The following SDK1 variants were observed in gnomAD, a reference collection of about 807,000 sequenced individuals.
SDK1 encodes the protein protein sidekick-1.
A neutral mutation model predicts 245.5 loss-of-function variants in SDK1; 157 were observed. That is an observed-to-expected ratio of 0.64 (90% CI 0.56 to 0.73). SDK1 has a LOEUF of 0.73. Among genes scored for constraint, SDK1 ranks in the 30% least tolerant of loss-of-function variants. The pLI, the probability that SDK1 is intolerant of heterozygous loss-of-function variation, is 0.00. For missense variants in SDK1, 3,583 were observed against 3,002.3 expected, an observed-to-expected ratio of 1.19 and a Z score of -4.52; for synonymous variants, 1,647 against 1,278.5, an observed-to-expected ratio of 1.29 and a Z score of -6.15.
chr7:3,573,115 A>G (rs543799862), intron 1 of SDK1, among the ~76,000 whole-genome samples: 2 of 152,178 alleles, frequency 1.3e-5, no homozygotes, highest in East Asian at 3.9e-4. Context: ...TCTGGGCTTT[A>G]TCCCAGAGCA....
chr7:3,992,486 A>G (rs1036108490), intron 14 of SDK1, among the ~76,000 whole-genome samples: 3 of 152,120 alleles, frequency 2.0e-5, no homozygotes, highest in Non-Finnish European at 2.9e-5. Context: ...CAGGTGGCGG[A>G]TGAGGGAAGC....
At chr7:4,111,458 A>T (rs114792598) in intron 23 of SDK1, among the ~76,000 whole-genome samples, 2,588 of 152,308 alleles carry the variant, frequency 0.017, 83 homozygotes, top group African/African-American at 0.059. Context: ...TTAGTAATTC[A>T]GGGACTAAAA....
At chr7:3,359,125 C>G (rs1379598989) in intron 1 of SDK1, among the ~76,000 whole-genome samples, 1 of 152,102 alleles carries the variant, frequency 6.6e-6, no homozygotes, top group Non-Finnish European at 1.5e-5. Context: ...TCACGCAGGT[C>G]AATTGGAGTC....
At chr7:3,498,970 A>G (rs1232054969) in intron 1 of SDK1, among the ~76,000 whole-genome samples, 1 of 152,138 alleles carries the variant, frequency 6.6e-6, no homozygotes, top group Non-Finnish European at 1.5e-5. Flanking sequence ...ACTAACTTTT[A>G]TTGGTTGATT....
chr7:4,024,159 G>T (rs1787149899), intron 17 of SDK1, among the ~76,000 whole-genome samples: 1 of 152,166 alleles, frequency 6.6e-6, no homozygotes, highest in African/African-American at 2.4e-5. Flanking sequence ...TAATGAAAGA[G>T]AAATATTTCA....
At chr7:3,609,480 A>G (rs922486317) in intron 1 of SDK1, among the ~76,000 whole-genome samples, 1 of 152,060 alleles carries the variant, frequency 6.6e-6, no homozygotes, top group African/African-American at 2.4e-5. Context: ...TGCTCACTGC[A>G]ATCTCTGCTT....
chr7:3,504,641 G>A (rs1782331225), intron 1 of SDK1, among the ~76,000 whole-genome samples: 1 of 152,120 alleles, frequency 6.6e-6, no homozygotes, highest in Non-Finnish European at 1.5e-5. Flanking sequence ...CTACCTCACA[G>A]CATATGCAGA....
At chr7:3,704,669 G>T (rs1409807824) in intron 4 of SDK1, among the ~76,000 whole-genome samples, 1 of 151,972 alleles carries the variant, frequency 6.6e-6, no homozygotes, top group Non-Finnish European at 1.5e-5. Context: ...TGTTTCTTTT[G>T]CTGTACAGAA....
rs576626626 is a variant in SDK1 at position 3,660,318 on chromosome 7, C to T, written c.713+18213C>T. Among the ~76,000 whole-genome samples the T allele has an allele frequency of 1.2e-3, 180 of 152,068 alleles. 1 individual carries two copies. Among genetic ancestry groups the T allele is most frequent in the African/African-American group, 4.3e-3 (177 of 41,466 alleles). On this transcript the variant is annotated intron_variant, in intron 4 of 44. Transcript: ENST00000404826. ...ATACCATGGACCACCAAGAAGAGAG[C>T]TTTTCACCTGATTCTACATAAGCAG...
chr7:3,509,068 G>C (rs993144280), intron 1 of SDK1, among the ~76,000 whole-genome samples: 1 of 136,844 alleles, frequency 7.3e-6, no homozygotes, highest in African/African-American at 2.9e-5. Context: ...GGAAGGTGGG[G>C]TGTGTGTGTG....
At chr7:3,680,409 T>C (rs934526478) in intron 4 of SDK1, among the ~76,000 whole-genome samples, 3 of 152,136 alleles carry the variant, frequency 2.0e-5, no homozygotes, top group African/African-American at 7.2e-5. Context: ...GTGATGGTTG[T>C]ATAAATGCGC....
At chr7:4,078,449 C>T (rs1584048082) in intron 21 of SDK1, among the ~76,000 whole-genome samples, 1 of 152,108 alleles carries the variant, frequency 6.6e-6, no homozygotes, top group African/African-American at 2.4e-5. Flanking sequence ...TGGAAAGGAC[C>T]CTTGAGATCC....
At chr7:3,593,403 G>T (rs1780950510) in intron 1 of SDK1, among the ~76,000 whole-genome samples, 2 of 152,132 alleles carry the variant, frequency 1.3e-5, no homozygotes, top group South Asian at 2.1e-4. Flanking sequence ...TGCATCAGCT[G>T]CCCCGTTCTC....
intron 12 of SDK1, among the ~76,000 whole-genome samples, chr7:3,973,604 T>C (rs1166426898): frequency 2.0e-5 from 3 of 152,082 alleles, no homozygotes; most frequent in African/African-American, 7.2e-5. Context: ...GCAATTCCAC[T>C]CTGTAGATTT....
chr7:3,524,420 G>A (rs1195349691), intron 1 of SDK1, among the ~76,000 whole-genome samples: 2 of 152,156 alleles, frequency 1.3e-5, no homozygotes, highest in African/African-American at 4.8e-5. Context: ...AAAAGATAAT[G>A]AGGTAATTGG....
chr7:3,967,247 G>T (rs1200313771), intron 9 of SDK1, 71 bp from the exon 10 acceptor site: 7 of 1,198,360 alleles, frequency 5.8e-6, no homozygotes, highest in Non-Finnish European at 8.7e-6. Flanking sequence ...GCCCGTGCAG[G>T]ATACTCTGCC....
chr7:4,229,332 G>A (rs1263263647), intron 40 of SDK1, among the ~76,000 whole-genome samples: 3 of 152,182 alleles, frequency 2.0e-5, no homozygotes, highest in Non-Finnish European at 2.9e-5. Flanking sequence ...GGGAAAGGCA[G>A]AAGTAAGCAG....
At chr7:3,643,699 A>C (rs1398471888) in intron 4 of SDK1, 1 of 125,122 alleles carries the variant, frequency 8.0e-6, no homozygotes, top group African/African-American at 3.2e-5. Flanking sequence ...AAACCTCATG[A>C]TTCTCATCTC....
rs1284134627 is a variant in SDK1, at chr7:3,758,539, ATT to A, written c.714-62909_714-62908del. ...TTTTTGTACCAACCTAATAGATTTA[ATT>A]TGTAGGTCAAATGGCTCCTACTGTG... On this transcript the variant is annotated intron_variant, in intron 4 of 44. Coordinates refer to ENST00000404826, the MANE Select transcript of SDK1 (RefSeq NM_152744.4). 4.6e-5 allele frequency among the ~76,000 whole-genome samples: 7 copies of A among 152,298 alleles called. No homozygotes were observed. In the South Asian group the frequency reaches 1.0e-3, roughly 23 times the overall value.
Sources: gnomAD v4.1 joint callset for allele counts (sites outside exome capture counted in the v4.1 genomes callset) on GRCh38, gnomAD v4.1.1 for gene constraint, MANE v1.5 for transcripts, NCBI Gene and HGNC (gene_info 2026-07-23, HGNC 2026-07-21) for gene names.